The following PRKCI variants were observed in gnomAD, a reference collection of about 807,000 sequenced individuals.
The protein encoded by PRKCI is protein kinase C iota type.
Under a neutral mutation model 84.0 loss-of-function variants are expected in PRKCI, and 43 were observed. That is an observed-to-expected ratio of 0.51 (90% CI 0.40 to 0.66). The LOEUF is 0.66. PRKCI is among the 30% of genes least tolerant of loss of function. PRKCI has a pLI of 0.00. For synonymous variants in PRKCI, 216 were observed against 234.4 expected (o/e 0.92, Z 0.72); for missense variants, 459 against 745.6 (o/e 0.62, Z 4.48).
chr3:170,239,984 T>C (rs1234234461), intron 2 of PRKCI, among the ~76,000 whole-genome samples: 1 of 152,076 alleles, frequency 6.6e-6, no homozygotes, highest in East Asian at 1.9e-4. Flanking sequence ...AGTGAGACCC[T>C]GTCCCTACAA....
chr3:170,227,704 A>G (rs1203684493), intron 1 of PRKCI, among the ~76,000 whole-genome samples: 1 of 152,242 alleles, frequency 6.6e-6, no homozygotes, highest in Admixed American at 6.5e-5. Flanking sequence ...GAAAGTTCAC[A>G]GGGGCTAGAT....
At chr3:170,255,705 G>T (rs2108846565) in intron 2 of PRKCI, among the ~76,000 whole-genome samples, 2 of 152,238 alleles carry the variant, frequency 1.3e-5, no homozygotes, top group East Asian at 3.9e-4. Context: ...GAATAATAGT[G>T]GTGAAAGTGG....
chr3:170,245,945 C>CTTTGTTTTTTTTGTTTGTTTGTTTG (rs1553837879), intron 2 of PRKCI, among the ~76,000 whole-genome samples: 2 of 95,182 alleles, frequency 2.1e-5, no homozygotes, highest in South Asian at 3.3e-4. Flanking sequence ...GATGTTATGT[C>CTTTGTTTTTTTTGTTTGTTTGTTTG]TTTGTTTTTT....
At chr3:170,276,351 C>T (rs1203153942) in intron 8 of PRKCI, among the ~76,000 whole-genome samples, 1 of 152,110 alleles carries the variant, frequency 6.6e-6, no homozygotes, top group African/African-American at 2.4e-5. Flanking sequence ...TACTCACTTC[C>T]CTCACTCCTG....
intron 9 of PRKCI, 49 bp downstream of exon 9, chr3:170,280,452 CTTT>C (rs745335370): frequency 5.3e-6 from 6 of 1,135,040 alleles, no homozygotes; most frequent in South Asian, 1.8e-5. Flanking sequence ...GAATACTATT[CTTT>C]TTTTTTTTTG....
In PRKCI at chr3:170,282,223, A is replaced by G. The variant is rs138684672; in HGVS notation, c.1067+255A>G. Among the ~76,000 whole-genome samples, 13 of 152,356 alleles carry G rather than the reference A, an allele frequency of 8.5e-5. No homozygotes were observed. The East Asian group carries it at 2.5e-3, about 29-fold the overall frequency. ...TAAGCAATTGAAAAGTGTGAACAGT[A>G]TTAAAAGGCAAACCTTTAGTCTGCT... On this transcript the variant is annotated intron_variant, in intron 11 of 17. Transcript: ENST00000295797.
rs1201697634 is a variant in PRKCI, at chr3:170,281,204, G to A, written c.921G>A (p.Glu307=). ...TACAGACAGAGAAGCATGTGTTTGA[G>A]CAGGCATCCAATCATCCTTTCCTTG... ...DWVQTEKHVF[E]QASNHPFLVG... is the part of the protein sequence containing the mutation. The change falls in exon 10 of 18, where the codon GAG becomes GAA. Residue 307 remains glutamate, a synonymous_variant. Coordinates refer to ENST00000295797, the MANE Select transcript of PRKCI (RefSeq NM_002740.6). The A allele has an allele frequency of 6.2e-6, 10 of 1,613,656 alleles. No homozygotes were observed. Among genetic ancestry groups the A allele is most frequent in the Non-Finnish European group, 7.6e-6 (9 of 1,179,972 alleles).
chr3:170,287,563 T>C (rs1734426141), intron 12 of PRKCI, among the ~76,000 whole-genome samples: 1 of 151,866 alleles, frequency 6.6e-6, no homozygotes, highest in South Asian at 2.1e-4. Context: ...TTTAATAACA[T>C]TTTAAAATGT....
intron 8 of PRKCI, among the ~76,000 whole-genome samples, chr3:170,276,209 G>T (rs1266565998): frequency 1.3e-5 from 2 of 152,004 alleles, no homozygotes; most frequent in African/African-American, 4.8e-5. Context: ...TAAGTGTTAG[G>T]ATTACAGGCA....
At chr3:170,238,423 A>G (rs543913959) in intron 2 of PRKCI, among the ~76,000 whole-genome samples, 15 of 150,504 alleles carry the variant, frequency 1.0e-4, no homozygotes, top group Non-Finnish European at 2.2e-4. Context: ...TATGCGCTGG[A>G]CATTTTTTCA....
chr3:170,267,675 CAA>C (rs1169448041), intron 4 of PRKCI, among the ~76,000 whole-genome samples: 10 of 52,966 alleles, frequency 1.9e-4, no homozygotes, highest in Admixed American at 4.0e-4. Context: ...TCCATCTCAC[CAA>C]AAAAAAAAAA....
rs116171124 is a variant in PRKCI, at chr3:170,283,792, C to T, written c.1068-669C>T. ...TAGCTAGGAGGTGTATGTTACGTAC[C>T]TCCACACATGATCATGATAATGTGC... On this transcript the variant is annotated intron_variant, in intron 11 of 17. Coordinates refer to ENST00000295797, the MANE Select transcript of PRKCI (RefSeq NM_002740.6). Among the ~76,000 whole-genome samples, 1,429 of 152,226 alleles carry T rather than the reference C, an allele frequency of 9.4e-3. 9 individuals carry two copies. Among genetic ancestry groups the T allele is most frequent in the Non-Finnish European group, 0.015 (997 of 68,014 alleles).
At chr3:170,272,559 T>C (rs1734029261) in intron 6 of PRKCI, among the ~76,000 whole-genome samples, 1 of 152,216 alleles carries the variant, frequency 6.6e-6, no homozygotes, top group African/African-American at 2.4e-5. Context: ...TGGTGACATA[T>C]GGAAGGAAAG....
chr3:170,266,289 T>C (rs1025833247), intron 4 of PRKCI, among the ~76,000 whole-genome samples: 1 of 152,158 alleles, frequency 6.6e-6, no homozygotes, highest in Non-Finnish European at 1.5e-5. Flanking sequence ...AATATCACTT[T>C]ACAGATTAGT....
chr3:170,239,564 A>T (rs1733067584), intron 2 of PRKCI, among the ~76,000 whole-genome samples: 1 of 152,188 alleles, frequency 6.6e-6, no homozygotes, highest in Admixed American at 6.5e-5. Context: ...ATAGTCCATT[A>T]AACGTTTTTA....
intron 7 of PRKCI, among the ~76,000 whole-genome samples, chr3:170,273,915 T>A (rs527251082): frequency 1.5e-4 from 23 of 151,898 alleles, no homozygotes; most frequent in Middle Eastern, 3.4e-3. Context: ...AAGGATCCCT[T>A]GAGCTCAGGA....
rs773137195 is a variant in PRKCI, at chr3:170,275,306, T to A, written c.705+19T>A. ...AAAAGAGGTAAGATAATTTGTCTTATTGTACATTATATCATTAGCTTTTTA... is the reference window on the plus strand; with the variant it reads ...AAAAGAGGTAAGATAATTTGTCTTAATGTACATTATATCATTAGCTTTTTA... On this transcript the variant is annotated intron_variant, in intron 8 of 17. Coordinates refer to ENST00000295797, the MANE Select transcript of PRKCI (RefSeq NM_002740.6). 6.3e-7 allele frequency: 1 copy of A among 1,590,706 alleles called. No homozygotes were observed. Among genetic ancestry groups the A allele is most frequent in the Non-Finnish European group, 8.5e-7 (1 of 1,170,738 alleles).
chr3:170,273,898 G>A (rs1478322941), intron 7 of PRKCI, among the ~76,000 whole-genome samples: 1 of 151,540 alleles, frequency 6.6e-6, no homozygotes, highest in African/African-American at 2.4e-5. Flanking sequence ...TTGGGAGGTC[G>A]AGGCAGAAGG....
intron 2 of PRKCI, among the ~76,000 whole-genome samples, chr3:170,237,270 A>G (rs1318443100): frequency 6.6e-6 from 1 of 152,228 alleles, no homozygotes; most frequent in East Asian, 1.9e-4. Context: ...AGTTGTATGA[A>G]TACAGAAATT....
Sources: allele counts gnomAD v4.1 joint callset (sites outside exome capture counted in the v4.1 genomes callset), GRCh38; gene constraint gnomAD v4.1.1; transcripts MANE v1.5; gene names NCBI Gene and HGNC (gene_info 2026-07-23, HGNC 2026-07-21).